The following RETSAT variants were observed in gnomAD, a reference collection of about 807,000 sequenced individuals.
The protein encoded by RETSAT is all-trans-retinol 13,14-reductase.
A neutral mutation model predicts 61.6 loss-of-function variants in RETSAT; 35 were observed. The observed-to-expected ratio is 0.57, with a 90% CI of 0.43 to 0.75. RETSAT has a LOEUF of 0.75. Ranked by LOEUF, RETSAT falls within the 30% of genes least tolerant of loss-of-function variation. The pLI, the probability that RETSAT is intolerant of heterozygous loss-of-function variation, is 0.00. For synonymous variants in RETSAT, 277 were observed against 310.4 expected, an observed-to-expected ratio of 0.89 and a Z score of 1.13; for missense variants, 670 against 759.5, an observed-to-expected ratio of 0.88 and a Z score of 1.38.
intron 3 of RETSAT, 65 bp from the exon 4 acceptor site, chr2:85,350,306 C>A: frequency 8.0e-7 from 1 of 1,245,804 alleles, no homozygotes; most frequent in South Asian, 1.2e-5. Context: ...CTGCTATCCC[C>A]ATAGCCTGGA....
intron 1 of RETSAT, among the ~76,000 whole-genome samples, 181 bp downstream of exon 1, chr2:85,354,154 AG>A (rs1683380958): frequency 6.6e-6 from 1 of 152,260 alleles, no homozygotes; most frequent in African/African-American, 2.4e-5. Flanking sequence ...ACTAGGGCAA[AG>A]GCTATCGACA....
At position 85,344,591 on chromosome 2, in the gene RETSAT, T is replaced by TA; in HGVS notation, c.1256+2dup. ...CACACATACACACACACGTGCACCT[T>TA]ACGCCTGGTCCATGTCCGTGTCATA... On this transcript the variant is annotated splice_region_variant and intron_variant, in intron 7 of 10. Coordinates refer to ENST00000295802, the MANE Select transcript of RETSAT (RefSeq NM_017750.4). 6.2e-7 allele frequency: 1 copy of TA among 1,614,108 alleles called. No individual in the cohort carries two copies. Among genetic ancestry groups the TA allele is most frequent in the Non-Finnish European group, 8.5e-7 (1 of 1,179,980 alleles).
chr2:85,345,175 G>A (rs546880929), intron 6 of RETSAT, among the ~76,000 whole-genome samples: 2 of 152,214 alleles, frequency 1.3e-5, no homozygotes, highest in African/African-American at 4.8e-5. Context: ...AGAGAGGGGA[G>A]GCCGAGCAGG....
In RETSAT at chr2:85,342,153, G is replaced by C; in HGVS notation, c.*1089C>G. The C allele has an allele frequency of 4.2e-6, 1 of 239,602 alleles. No homozygotes were observed. The highest frequency in any genetic ancestry group is 8.1e-6 in the Non-Finnish European group (1 of 123,696). The allele number at this position is 239,602 out of a possible 1,614,324, so 14.8% of individuals were successfully genotyped here. Reference sequence around the variant, plus strand: ...GTTACATTAACACGAACTACAAAGAGACCTTTCGTATGTCTGATACCAAAG... The same window carrying C: ...GTTACATTAACACGAACTACAAAGACACCTTTCGTATGTCTGATACCAAAG... On this transcript the variant is annotated 3_prime_UTR_variant, in exon 11 of 11. Transcript: ENST00000295802.
At chr2:85,348,189 T>C (rs57657474) in intron 5 of RETSAT, among the ~76,000 whole-genome samples, 5,021 of 152,212 alleles carry the variant, frequency 0.033, 224 homozygotes, top group African/African-American at 0.1. Context: ...ACTTTACAGA[T>C]AGAGGCAGGG....
chr2:85,347,095 C>T (rs1683214578), intron 5 of RETSAT, among the ~76,000 whole-genome samples: 1 of 152,084 alleles, frequency 6.6e-6, no homozygotes, highest in African/African-American at 2.4e-5. Context: ...TATTCTCCAA[C>T]CTCATCTGCT....
At chr2:85,349,309 G>T in intron 5 of RETSAT, 75 bp downstream of exon 5, 1 of 1,430,272 alleles carries the variant, frequency 7.0e-7, no homozygotes, top group Non-Finnish European at 9.8e-7. Context: ...TACTCCTTCT[G>T]GTCTCAGGGA....
At chr2:85,348,374 T>C (rs1344339245) in intron 5 of RETSAT, among the ~76,000 whole-genome samples, 2 of 152,180 alleles carry the variant, frequency 1.3e-5, no homozygotes, top group African/African-American at 4.8e-5. Flanking sequence ...CTGACGCCTG[T>C]AATCCCAGCA....
chr2:85,344,523 A>T, intron 7 of RETSAT, 71 bp downstream of exon 7: 1 of 1,576,634 alleles, frequency 6.3e-7, no homozygotes, highest in Non-Finnish European at 8.6e-7. Flanking sequence ...CCCATTCCAT[A>T]ACCTCTGCTC....
chr2:85,345,772 T>C (rs1683187064), intron 6 of RETSAT: 2 of 721,600 alleles, frequency 2.8e-6, no homozygotes, highest in Non-Finnish European at 4.9e-6. Flanking sequence ...AGGACTGTAA[T>C]TAATCTGTAT....
At position 85,346,397 on chromosome 2, in the gene RETSAT, C is replaced by T. The variant is rs571387755; in HGVS notation, c.998-303G>A. ...CAGACAAAGCTCAAGGGCTAAAGACCTTCCACTGGAAATCCAGGCCCTTTT... is the reference window on the plus strand; with the variant it reads ...CAGACAAAGCTCAAGGGCTAAAGACTTTCCACTGGAAATCCAGGCCCTTTT... On this transcript the variant is annotated intron_variant, in intron 5 of 10. Transcript: ENST00000295802. Among the ~76,000 whole-genome samples, 17 of 152,314 alleles carry T rather than the reference C, an allele frequency of 1.1e-4. No individual in the cohort carries two copies. The South Asian group carries it at 3.3e-3, about 30-fold the overall frequency.
At chr2:85,354,264 T>G in intron 1 of RETSAT, 72 bp downstream of exon 1, 1 of 1,569,050 alleles carries the variant, frequency 6.4e-7, no homozygotes, top group Non-Finnish European at 8.7e-7. Context: ...GCGGCTGCCT[T>G]GGCAAAATGA....
At position 85,342,184 on chromosome 2, in the gene RETSAT, A is replaced by C. The variant is rs1037149803; in HGVS notation, c.*1058T>G. On this transcript the variant is annotated 3_prime_UTR_variant, in exon 11 of 11. Transcript: ENST00000295802. ...TCGTATGTCTGATACCAAAGACATA[A>C]CTGAAAAGTCATTTTTCCAAACCTT... 2.6e-5 allele frequency: 5 copies of C among 189,154 alleles called. No individual in the cohort carries two copies. Among genetic ancestry groups the C allele is most frequent in the Non-Finnish European group, 5.4e-5 (5 of 92,262 alleles). 11.7% of individuals were successfully genotyped at this position (189,154 alleles called of 1,614,324 possible). A position where few individuals can be genotyped will look rare whatever the true frequency, so the allele number is the denominator to read the frequency against.
In RETSAT at chr2:85,344,724, G is replaced by A; in HGVS notation, c.1126C>T (p.Gln376Ter). 1.2e-6 allele frequency: 2 copies of A among 1,614,110 alleles called. No individual in the cohort carries two copies. The highest frequency in any genetic ancestry group is 1.3e-5 in the African/African-American group (1 of 75,070). ...GNARCLPGVKQQLGTVRPGLG... is the reference protein window; with the variant it reads ...GNARCLPGVK ...CCGGGCCGCACCGTCCCCAGTTGCT[G>A]CTTCACACCTGCCAGGGGGAGTGGT... The change falls in exon 7 of 11, where the codon CAG (glutamine) becomes TAG (stop). Residue 376 changes from glutamine to a stop codon, truncating the protein, a stop_gained. Coordinates refer to ENST00000295802, the MANE Select transcript of RETSAT (RefSeq NM_017750.4). LOFTEE classifies it high-confidence loss of function.
chr2:85,343,855 ACT>A lies in RETSAT; in HGVS notation c.1534-59_1534-58del, dbSNP rs1486762520. 10 of 1,335,664 alleles carry A rather than the reference ACT, an allele frequency of 7.5e-6. No homozygotes were observed. In the African/African-American group the frequency reaches 1.4e-4, roughly 19 times the overall value. The allele number at this position is 1,335,664 out of a possible 1,614,324, so 82.7% of individuals were successfully genotyped here. A position where few individuals can be genotyped will look rare whatever the true frequency, so the allele number is the denominator to read the frequency against. Reference sequence around the variant, plus strand: ...AGATCCTGGCTCCCCTCCCTCTTCCACTCTTTCCCATTCACTGACTGCAGGGA... The same window carrying A: ...AGATCCTGGCTCCCCTCCCTCTTCCACTTTCCCATTCACTGACTGCAGGGA... On this transcript the variant is annotated intron_variant, in intron 9 of 10. Coordinates refer to ENST00000295802, the MANE Select transcript of RETSAT (RefSeq NM_017750.4).
In RETSAT at chr2:85,344,266, C is replaced by T. The variant is rs372629437; in HGVS notation, c.1339G>A (p.Asp447Asn). ...GGGAATCGGTCCTCCCAGGTCGGAT[C>T]TTTGGCTGATGGGAAAGCGAAGAAG... ...LLFFAFPSAKDPTWEDRFPGR... is the reference protein window; with the variant it reads ...LLFFAFPSAKNPTWEDRFPGR... The change falls in exon 8 of 11, where the codon GAT becomes AAT. Residue 447 changes from aspartate to asparagine, a missense_variant. Physicochemically the swap from Asp to Asn is conservative, Grantham distance 23. Coordinates refer to ENST00000295802, the MANE Select transcript of RETSAT (RefSeq NM_017750.4). The T allele has an allele frequency of 6.2e-7, 1 of 1,613,992 alleles. No individual in the cohort carries two copies. Among genetic ancestry groups the T allele is most frequent in the African/African-American group, 1.3e-5 (1 of 74,904 alleles).
At position 85,354,409 on chromosome 2, in the gene RETSAT, G is replaced by GA. The variant is rs766571437; in HGVS notation, c.98dup (p.Ser34LeufsTer14). The GA allele has an allele frequency of 1.9e-6, 3 of 1,614,102 alleles. No individual in the cohort carries two copies. The South Asian group carries it at 3.3e-5, about 18-fold the overall frequency. On this transcript the variant is annotated frameshift_variant, in exon 1 of 11. Transcript: ENST00000295802. LOFTEE classifies it high-confidence loss of function. ...CTGGGGGCCGTTTGACATCTTCGGA[G>GA]AAAGGATTCGGGGAGCTGCCAGAGA...
chr2:85,354,076 G>C (rs899510855), intron 1 of RETSAT, among the ~76,000 whole-genome samples: 1 of 152,348 alleles, frequency 6.6e-6, no homozygotes, highest in South Asian at 2.1e-4. Context: ...CAAGTGGCAG[G>C]GCGGGTGCCA....
intron 6 of RETSAT, chr2:85,345,638 C>A (rs140577109): frequency 1.1e-3 from 434 of 400,276 alleles, no homozygotes; most frequent in African/African-American, 8.2e-3. Context: ...TGCCTGCTCT[C>A]CTGCTTCTCT....
Sources: allele counts gnomAD v4.1 joint callset (sites outside exome capture counted in the v4.1 genomes callset), GRCh38; gene constraint gnomAD v4.1.1; transcripts MANE v1.5; gene names NCBI Gene and HGNC (gene_info 2026-07-23, HGNC 2026-07-21).